TLN2: variants seen among roughly 807,000 people sequenced by gnomAD.
TLN2 encodes the protein talin 2.
In TLN2, 118 loss-of-function variants were observed where a neutral mutation model predicts 294.7. The ratio of observed to expected loss-of-function variants is 0.40; its 90% CI spans 0.34 to 0.47. TLN2 has a LOEUF of 0.47. Among genes scored for constraint, TLN2 ranks in the 20% least tolerant of loss-of-function variants. The pLI is 0.84. For synonymous variants in TLN2, 1,431 were observed against 1,304.5 expected, an observed-to-expected ratio of 1.10 and a Z score of -2.09; for missense variants, 3,083 against 3,282.2, an observed-to-expected ratio of 0.94 and a Z score of 1.48.
intron 42 of TLN2, among the ~76,000 whole-genome samples, 163 bp downstream of exon 42, chr15:62,771,297 T>A (rs2063337342): frequency 6.6e-6 from 1 of 152,228 alleles, no homozygotes; most frequent in African/African-American, 2.4e-5. Context: ...CCCAAGGTTC[T>A]TAGGGAGGAA....
chr15:62,496,549 A>C (rs543778435), intron 1 of TLN2, among the ~76,000 whole-genome samples: 52 of 152,216 alleles, frequency 3.4e-4, no homozygotes, highest in African/African-American at 1.1e-3. Context: ...TCAGGAATGC[A>C]GATGCCCAGA....
chr15:62,452,543 C>T (rs1253743073), intron 1 of TLN2, among the ~76,000 whole-genome samples: 1 of 152,180 alleles, frequency 6.6e-6, no homozygotes, highest in African/African-American at 2.4e-5. Flanking sequence ...GCATCACCAC[C>T]ATCCATCTCC....
chr15:62,826,475 T>A lies in TLN2; in HGVS notation c.7002+5865T>A, dbSNP rs963809297. On this transcript the variant is annotated intron_variant, in intron 54 of 58. Coordinates refer to ENST00000636159, the MANE Select transcript of TLN2 (RefSeq NM_015059.3). ...TTTAAGGTCTCTCTGGAGCTTTCCCTGAGACAAGGCCAGCTGTCCATGCCT... is the reference window on the plus strand; with the variant it reads ...TTTAAGGTCTCTCTGGAGCTTTCCCAGAGACAAGGCCAGCTGTCCATGCCT... Among the ~76,000 whole-genome samples the A allele has an allele frequency of 2.0e-5, 3 of 152,322 alleles. No individual in the cohort carries two copies. In the South Asian group the frequency reaches 6.2e-4, roughly 32 times the overall value.
intron 12 of TLN2, among the ~76,000 whole-genome samples, chr15:62,687,074 G>A (rs1411847808): frequency 6.6e-6 from 1 of 152,194 alleles, no homozygotes; most frequent in East Asian, 1.9e-4. Context: ...TCACCCAGAT[G>A]ATTCTCAGTT....
chr15:62,803,992 G>C lies in TLN2; in HGVS notation c.6478-1608G>C, dbSNP rs114882181. 4.3e-3 allele frequency among the ~76,000 whole-genome samples: 652 copies of C among 152,216 alleles called. 8 individuals are homozygous for C. The highest frequency in any genetic ancestry group is 0.015 in the African/African-American group (638 of 41,526). On this transcript the variant is annotated intron_variant, in intron 50 of 58. Coordinates refer to ENST00000636159, the MANE Select transcript of TLN2 (RefSeq NM_015059.3). ...TTATGATCTAAGCCGTATCTGCATC[G>C]GGGGGCACACCAAGCTCAGTAACAC...
intron 1 of TLN2, among the ~76,000 whole-genome samples, chr15:62,536,387 G>A (rs1042930452): frequency 1.3e-5 from 2 of 152,166 alleles, no homozygotes; most frequent in African/African-American, 2.4e-5. Flanking sequence ...TCTCTCATCC[G>A]TAGGGGCTTC....
At chr15:62,444,887 C>A (rs759231318) in intron 1 of TLN2, among the ~76,000 whole-genome samples, 14 of 152,186 alleles carry the variant, frequency 9.2e-5, no homozygotes, top group Non-Finnish European at 1.5e-4. Context: ...CATTGCCTGT[C>A]ATCTGCAGTG....
chr15:62,504,868 A>G (rs1162975745), intron 1 of TLN2, among the ~76,000 whole-genome samples: 2 of 148,330 alleles, frequency 1.3e-5, no homozygotes, highest in African/African-American at 2.5e-5. Context: ...AGAGAGAGAG[A>G]GAGGGAGACT....
At chr15:62,831,928 A>G (rs2068888960) in intron 54 of TLN2, 1 of 152,082 alleles carries the variant, frequency 6.6e-6, no homozygotes, top group African/African-American at 2.4e-5. Flanking sequence ...ACCGTTTCTC[A>G]CTGATGCCCC....
intron 1 of TLN2, among the ~76,000 whole-genome samples, chr15:62,575,605 A>C (rs200013035): frequency 8.0e-5 from 12 of 150,086 alleles, no homozygotes; most frequent in East Asian, 5.9e-4. Flanking sequence ...TCACTTAAAA[A>C]ACACACACAC....
intron 1 of TLN2, among the ~76,000 whole-genome samples, chr15:62,533,836 C>T (rs557048055): frequency 9.9e-5 from 15 of 152,226 alleles, no homozygotes; most frequent in African/African-American, 2.2e-4. Flanking sequence ...ATGCAGCAAG[C>T]CCTGTGGATT....
At chr15:62,482,181 C>T (rs1160799191) in intron 1 of TLN2, among the ~76,000 whole-genome samples, 2 of 152,180 alleles carry the variant, frequency 1.3e-5, no homozygotes, top group Non-Finnish European at 2.9e-5. Flanking sequence ...GTGTCCCCCA[C>T]CCCTTGCAAT....
intron 2 of TLN2, among the ~76,000 whole-genome samples, chr15:62,595,262 A>G (rs1004229516): frequency 5.9e-5 from 9 of 152,114 alleles, no homozygotes; most frequent in African/African-American, 2.2e-4. Context: ...TCTACTGAAA[A>G]TACAAAAATT....
At chr15:62,614,717 C>T (rs181047416) in intron 2 of TLN2, among the ~76,000 whole-genome samples, 65 of 152,326 alleles carry the variant, frequency 4.3e-4, no homozygotes, top group African/African-American at 1.4e-3. Context: ...TAGGCATTTA[C>T]GTTTTGACCT....
At chr15:62,462,505 G>A (rs1170635067) in intron 1 of TLN2, among the ~76,000 whole-genome samples, 1 of 152,178 alleles carries the variant, frequency 6.6e-6, no homozygotes, top group East Asian at 1.9e-4. Flanking sequence ...TTTTTAACCA[G>A]TGATTCATCT....
chr15:62,553,655 A>C (rs2042446444), intron 1 of TLN2, among the ~76,000 whole-genome samples: 1 of 152,200 alleles, frequency 6.6e-6, no homozygotes, highest in South Asian at 2.1e-4. Context: ...TTTTCAGAAA[A>C]TGCACATAAA....
At chr15:62,454,385 G>T (rs2036337364) in intron 1 of TLN2, among the ~76,000 whole-genome samples, 1 of 152,138 alleles carries the variant, frequency 6.6e-6, no homozygotes, top group Non-Finnish European at 1.5e-5. Flanking sequence ...TTAATGCCCA[G>T]TGCTTTTGCT....
chr15:62,705,779 T>A (rs111809789), intron 19 of TLN2, among the ~76,000 whole-genome samples: 36 of 152,380 alleles, frequency 2.4e-4, no homozygotes, highest in African/African-American at 8.4e-4. Flanking sequence ...AGTTGTGTGG[T>A]AGACAAGTGC....
intron 57 of TLN2, among the ~76,000 whole-genome samples, chr15:62,836,445 G>GTACTAC (rs2069600314): frequency 1.3e-5 from 2 of 152,202 alleles, no homozygotes; most frequent in Non-Finnish European, 2.9e-5. Flanking sequence ...CCATCACATG[G>GTACTAC]TGCTACTGTA....
Sources: gnomAD v4.1 joint callset for allele counts (sites outside exome capture counted in the v4.1 genomes callset) on GRCh38, gnomAD v4.1.1 for gene constraint, MANE v1.5 for transcripts, NCBI Gene and HGNC (gene_info 2026-07-23, HGNC 2026-07-21) for gene names.